The following TMX4 variants were observed in gnomAD, a reference collection of about 807,000 sequenced individuals.
TMX4 encodes the protein thioredoxin-related transmembrane protein 4.
Under a neutral mutation model 33.3 loss-of-function variants are expected in TMX4, and 23 were observed. The ratio of observed to expected loss-of-function variants is 0.69; its 90% CI spans 0.50 to 0.98. TMX4 has a LOEUF of 0.98. Ranked by LOEUF, TMX4 falls within the 50% of genes least tolerant of loss-of-function variation. The pLI is 0.00. For missense variants in TMX4, 399 were observed against 448.9 expected (o/e 0.89, Z 1.01); for synonymous variants, 164 against 161.5 (o/e 1.02, Z -0.12).
At position 8,019,319 on chromosome 20, in the gene TMX4, G is replaced by A. The variant is rs1036529048; in HGVS notation, c.176+119C>T. 1.1e-5 allele frequency: 13 copies of A among 1,222,166 alleles called. No homozygotes were observed. In the East Asian group the frequency reaches 3.2e-4, roughly 30 times the overall value. 75.7% of individuals were successfully genotyped at this position (1,222,166 alleles called of 1,614,324 possible). A position where few individuals can be genotyped will look rare whatever the true frequency, so the allele number is the denominator to read the frequency against. On this transcript the variant is annotated intron_variant, in intron 1 of 7. Transcript: ENST00000246024. Reference sequence around the variant, plus strand: ...GGCGCCGCAGGTTGTTGGCAAGCCTGGTCCGGGGTTTTAGGTTGAGCCCAA... The same window carrying A: ...GGCGCCGCAGGTTGTTGGCAAGCCTAGTCCGGGGTTTTAGGTTGAGCCCAA...
Position 7,992,424 on chromosome 20 carries a change from G to A in TMX4, c.513+3602C>T, listed in dbSNP as rs572696921. On this transcript the variant is annotated intron_variant, in intron 5 of 7. Transcript: ENST00000246024. ...GAAAGAAAATTTAAATTTAGTGATG[G>A]AAAGAACACTGGAGATCATCTACTC... Among the ~76,000 whole-genome samples the A allele has an allele frequency of 1.2e-4, 18 of 152,264 alleles. No individual in the cohort carries two copies. In the East Asian group the frequency reaches 3.5e-3, roughly 29 times the overall value.
At chr20:7,989,817 C>G (rs888067744) in intron 5 of TMX4, among the ~76,000 whole-genome samples, 10 of 152,166 alleles carry the variant, frequency 6.6e-5, no homozygotes, top group African/African-American at 2.4e-4. Context: ...AGTTTTAGAT[C>G]ATTGTGTTTC....
At chr20:7,998,445 G>GCCA (rs1312474393) in intron 4 of TMX4, among the ~76,000 whole-genome samples, 1 of 151,990 alleles carries the variant, frequency 6.6e-6, no homozygotes, top group East Asian at 1.9e-4. Flanking sequence ...CCCCACTGCT[G>GCCA]CCACCTGACA....
chr20:7,984,139 T>C (rs1474042401), intron 6 of TMX4, among the ~76,000 whole-genome samples: 1 of 152,230 alleles, frequency 6.6e-6, no homozygotes, highest in Non-Finnish European at 1.5e-5. Flanking sequence ...ATAGACACTA[T>C]GAACCAAGTC....
Position 7,981,013 on chromosome 20 carries a change from TC to T in TMX4, c.*1237del, listed in dbSNP as rs768622834. On this transcript the variant is annotated 3_prime_UTR_variant, in exon 8 of 8. Coordinates refer to ENST00000246024, the MANE Select transcript of TMX4 (RefSeq NM_021156.4). ...TTGGAATCGAATTTCATGAATTTAT[TC>T]TAACACATAAATCAGGTAAGAGAGA... is the stretch of plus-strand genomic sequence containing the variant. 42 of 152,306 alleles carry T rather than the reference TC, an allele frequency of 2.8e-4. No homozygotes were observed. The highest frequency in any genetic ancestry group is 1.2e-3 in the South Asian group (6 of 4,832). 9.4% of individuals were successfully genotyped at this position (152,306 alleles called of 1,614,324 possible). A position where few individuals can be genotyped will look rare whatever the true frequency, so the allele number is the denominator to read the frequency against.
chr20:7,982,419 A>G lies in TMX4; in HGVS notation c.882T>C (p.Ser294=), dbSNP rs752366676. The G allele has an allele frequency of 3.7e-6, 6 of 1,613,844 alleles. No homozygotes were observed. Among genetic ancestry groups the G allele is most frequent in the Non-Finnish European group, 5.1e-6 (6 of 1,179,978 alleles). ...CTGGGGGCCCCTGATCATTGGCCTC[A>G]CTTCTCTCCTCATCCACACCAGCAG... The part of the protein sequence containing the change: ...NLAAGVDEER[S]EANDQGPPGE... Residue 294 remains serine (S), a synonymous_variant, in exon 8 of 8, where the codon AGT becomes AGC. Transcript: ENST00000246024.
intron 3 of TMX4, 138 bp from the exon 4 acceptor site, chr20:7,999,998 G>C: frequency 1.1e-6 from 1 of 880,452 alleles, no homozygotes; most frequent in Non-Finnish European, 1.7e-6. Context: ...AATATACATA[G>C]AGATAAATCA....
chr20:7,982,014 TC>T lies in TMX4; in HGVS notation c.*236del, dbSNP rs2050608101. On this transcript the variant is annotated 3_prime_UTR_variant, in exon 8 of 8. Transcript: ENST00000246024. The stretch of plus-strand genomic sequence containing the variant: ...CCCTAAGTAAATGAACTTGTTCCCA[TC>T]CCAGTCTCCAAACAGATCCCAACAC... 1 of 482,860 alleles carries T rather than the reference TC, an allele frequency of 2.1e-6. No individual in the cohort carries two copies. Among genetic ancestry groups the T allele is most frequent in the Admixed American group, 3.6e-5 (1 of 27,522 alleles). 29.9% of individuals were successfully genotyped at this position (482,860 alleles called of 1,614,324 possible). A position where few individuals can be genotyped will look rare whatever the true frequency, so the allele number is the denominator to read the frequency against.
rs188354032 is a variant in TMX4 at position 7,994,552 on chromosome 20, C to T, written c.513+1474G>A. Among the ~76,000 whole-genome samples, 7 of 152,300 alleles carry T rather than the reference C, an allele frequency of 4.6e-5. No homozygotes were observed. In the East Asian group the frequency reaches 1.2e-3, roughly 25 times the overall value. ...GGCCATTATGTATCTTCCCTGCTATCGTCTTTGAAAGTAAAACTTCTCTTT... is the reference window on the plus strand; with the variant it reads ...GGCCATTATGTATCTTCCCTGCTATTGTCTTTGAAAGTAAAACTTCTCTTT... On this transcript the variant is annotated intron_variant, in intron 5 of 7. Coordinates refer to ENST00000246024, the MANE Select transcript of TMX4 (RefSeq NM_021156.4).
chr20:7,982,487 C>T lies in TMX4; in HGVS notation c.814G>A (p.Asp272Asn), dbSNP rs1183420996. 3.1e-6 allele frequency: 5 copies of T among 1,613,856 alleles called. No homozygotes were observed. The highest frequency in any genetic ancestry group is 3.3e-5 in the Admixed American group (2 of 59,978). Residue 272 changes from aspartate (D) to asparagine (N), a missense_variant, in exon 8 of 8, where the codon GAT becomes AAT. By Grantham distance (23) the Asp-to-Asn change is conservative. Coordinates refer to ENST00000246024, the MANE Select transcript of TMX4 (RefSeq NM_021156.4). The stretch of plus-strand genomic sequence containing the variant: ...TCTTCTTCCTCTGCTTCATCCTCAT[C>T]GCCAAGATCTTCTTTCTCTTCTTCA... ...DDEEEKEDLG[D>N]EDEAEEEEEE...
At chr20:7,982,684 G>A (rs2050613898) in intron 7 of TMX4, 63 bp from the exon 8 acceptor site, 1 of 1,505,222 alleles carries the variant, frequency 6.6e-7, no homozygotes, top group South Asian at 1.3e-5. Context: ...AATCAATTGA[G>A]TGTGTTTAGC....
In TMX4 at chr20:8,019,428, G is replaced by A; in HGVS notation, c.176+10C>T. ...ACACTGCGGCGTCCGGGGCGGGCGGGCACACTCACAATTTCAGCATCCACT... is the reference window on the plus strand; with the variant it reads ...ACACTGCGGCGTCCGGGGCGGGCGGACACACTCACAATTTCAGCATCCACT... On this transcript the variant is annotated intron_variant, in intron 1 of 7. Transcript: ENST00000246024. The A allele has an allele frequency of 1.3e-6, 2 of 1,514,316 alleles. No homozygotes were observed. Among genetic ancestry groups the A allele is most frequent in the Non-Finnish European group, 1.8e-6 (2 of 1,130,496 alleles). The allele number at this position is 1,514,316 out of a possible 1,614,324, so 93.8% of individuals were successfully genotyped here.
At chr20:7,988,306 A>T (rs994939343) in intron 5 of TMX4, among the ~76,000 whole-genome samples, 1 of 152,222 alleles carries the variant, frequency 6.6e-6, no homozygotes, top group Non-Finnish European at 1.5e-5. Flanking sequence ...CCCTAGAACC[A>T]GTAAGGTTGA....
At chr20:8,006,209 C>T (rs948873048) in intron 2 of TMX4, among the ~76,000 whole-genome samples, 2 of 151,250 alleles carry the variant, frequency 1.3e-5, no homozygotes, top group Admixed American at 6.6e-5. Context: ...AGCCACACCC[C>T]CAACGCACAC....
In TMX4 at chr20:7,977,862, T is replaced by C. The variant is rs1015928874; in HGVS notation, c.*4389A>G. On this transcript the variant is annotated 3_prime_UTR_variant, in exon 8 of 8. Coordinates refer to ENST00000246024, the MANE Select transcript of TMX4 (RefSeq NM_021156.4). ...CAGTGTCACAGTCTACATAAAGCTT[T>C]ACTGAGAATAAGCCATCTGAAGGGC... 2 of 152,210 alleles carry C rather than the reference T, an allele frequency of 1.3e-5. No individual in the cohort carries two copies. Among genetic ancestry groups the C allele is most frequent in the African/African-American group, 2.4e-5 (1 of 41,456 alleles). The allele number at this position is 152,210 out of a possible 1,614,324, so 9.4% of individuals were successfully genotyped here.
At chr20:8,007,349 T>TA (rs2050735204) in intron 2 of TMX4, among the ~76,000 whole-genome samples, 1 of 152,164 alleles carries the variant, frequency 6.6e-6, no homozygotes. Flanking sequence ...TCCCACCACT[T>TA]AACACTGCTG....
chr20:8,002,574 T>C (rs1395854628), intron 2 of TMX4, among the ~76,000 whole-genome samples: 2 of 152,132 alleles, frequency 1.3e-5, no homozygotes, highest in African/African-American at 4.8e-5. Flanking sequence ...GACAGAGGCA[T>C]CATTTTAACA....
In TMX4 at chr20:7,982,149, G is replaced by A. The variant is rs2050608789; in HGVS notation, c.*102C>T. 1 of 1,227,760 alleles carries A rather than the reference G, an allele frequency of 8.1e-7. No homozygotes were observed. Among genetic ancestry groups the A allele is most frequent in the Non-Finnish European group, 1.1e-6 (1 of 895,530 alleles). The allele number at this position is 1,227,760 out of a possible 1,614,324, so 76.1% of individuals were successfully genotyped here. A position where few individuals can be genotyped will look rare whatever the true frequency, so the allele number is the denominator to read the frequency against. The stretch of plus-strand genomic sequence containing the variant: ...GACTAGAGAGCATCTTTTAAGAGAA[G>A]CTTGCTCATTCAGGAAAAATTAAGG... On this transcript the variant is annotated 3_prime_UTR_variant, in exon 8 of 8. Coordinates refer to ENST00000246024, the MANE Select transcript of TMX4 (RefSeq NM_021156.4).
intron 2 of TMX4, among the ~76,000 whole-genome samples, chr20:8,004,082 C>T (rs2050717861): frequency 1.3e-5 from 2 of 151,386 alleles, no homozygotes; most frequent in Non-Finnish European, 2.9e-5. Flanking sequence ...TGATGACACG[C>T]TACTAAATCC....
Sources: gnomAD v4.1 joint callset for allele counts (sites outside exome capture counted in the v4.1 genomes callset) on GRCh38, gnomAD v4.1.1 for gene constraint, MANE v1.5 for transcripts, NCBI Gene and HGNC (gene_info 2026-07-23, HGNC 2026-07-21) for gene names.